F13A1: variants seen among roughly 807,000 people sequenced by gnomAD.
F13A1 encodes FSF, A subunit.
A neutral mutation model predicts 80.1 loss-of-function variants in F13A1; 47 were observed. That is an observed-to-expected ratio of 0.59 (90% CI 0.46 to 0.75). The LOEUF is 0.75. Ranked by LOEUF, F13A1 falls within the 30% of genes least tolerant of loss-of-function variation. The probability of loss-of-function intolerance (pLI) is 0.00; values close to 1 mark genes in which losing one functional copy is unlikely to be tolerated. For missense variants in F13A1, 817 were observed against 930.4 expected (o/e 0.88, Z 1.59); for synonymous variants, 349 against 344.9 (o/e 1.01, Z -0.13).
chr6:6,239,080 G>C (rs1757452003), intron 6 of F13A1, among the ~76,000 whole-genome samples: 1 of 152,114 alleles, frequency 6.6e-6, no homozygotes, highest in South Asian at 2.1e-4. Context: ...ATTCATAATA[G>C]CTTCACATTG....
chr6:6,320,317 C>T (rs1018807756), intron 1 of F13A1, among the ~76,000 whole-genome samples: 1 of 152,232 alleles, frequency 6.6e-6, no homozygotes, highest in South Asian at 2.1e-4. Context: ...GGGGAAGCAC[C>T]TCCAACTCCC....
chr6:6,274,837 A>T lies in F13A1; in HGVS notation c.320-8028T>A, dbSNP rs567483917. 9.8e-5 allele frequency among the ~76,000 whole-genome samples: 15 copies of T among 152,304 alleles called. No homozygotes were observed. The South Asian group carries it at 3.1e-3, about 32-fold the overall frequency. ...AATCTTAAAGGTGGAAAAGGTAGAG[A>T]AAAGTCTTCCCAGCTGGGGGAGTAA... On this transcript the variant is annotated intron_variant, in intron 3 of 14. Coordinates refer to ENST00000264870, the MANE Select transcript of F13A1 (RefSeq NM_000129.4).
chr6:6,240,378 C>T (rs934203461), intron 6 of F13A1, among the ~76,000 whole-genome samples: 1 of 152,044 alleles, frequency 6.6e-6, no homozygotes, highest in African/African-American at 2.4e-5. Flanking sequence ...CCCCACTGCC[C>T]CCACCTGAAA....
intron 1 of F13A1, among the ~76,000 whole-genome samples, chr6:6,319,083 T>C (rs922482419): frequency 6.6e-6 from 1 of 152,234 alleles, no homozygotes. Context: ...TTTATGAGAT[T>C]ATAAGTCACT....
At chr6:6,291,027 T>C (rs960105228) in intron 3 of F13A1, among the ~76,000 whole-genome samples, 9 of 152,106 alleles carry the variant, frequency 5.9e-5, no homozygotes, top group African/African-American at 1.7e-4. Flanking sequence ...TAGGAAGACA[T>C]AGTCTTAAAG....
intron 2 of F13A1, 153 bp from the exon 3 acceptor site, chr6:6,305,692 T>C (rs905579563): frequency 2.0e-5 from 14 of 698,816 alleles, no homozygotes; most frequent in Non-Finnish European, 3.2e-5. Flanking sequence ...GAACACAGTC[T>C]CGAGAGTCAG....
In F13A1 at chr6:6,207,599, C is replaced by T. The variant is rs533239115; in HGVS notation, c.1113-10273G>A. On this transcript the variant is annotated intron_variant, in intron 8 of 14. Coordinates refer to ENST00000264870, the MANE Select transcript of F13A1 (RefSeq NM_000129.4). ...CCAAAAGAAAAGCCCCAGGAAGGTC[C>T]TCATCTCTCATCTCTGGTTGATCTT... Among the ~76,000 whole-genome samples the T allele has an allele frequency of 2.6e-5, 4 of 152,314 alleles. No individual in the cohort carries two copies. In the East Asian group the frequency reaches 7.7e-4, roughly 29 times the overall value.
At chr6:6,185,786 G>A (rs1054724107) in intron 10 of F13A1, among the ~76,000 whole-genome samples, 1 of 152,304 alleles carries the variant, frequency 6.6e-6, no homozygotes, top group East Asian at 1.9e-4. Context: ...AGATCCCTGA[G>A]GAATCACCAC....
At chr6:6,303,982 A>G (rs529957035) in intron 3 of F13A1, among the ~76,000 whole-genome samples, 5 of 152,312 alleles carry the variant, frequency 3.3e-5, no homozygotes, top group Admixed American at 6.5e-5. Flanking sequence ...TTTTCTACAT[A>G]CACAATCATA....
rs776124551 is a variant in F13A1, at chr6:6,305,391, A to G, written c.279T>C (p.Tyr93=). ...FYVQIDFSRP[Y]DPRRDLFRVE... The stretch of plus-strand genomic sequence containing the variant: ...CCCTGAAGAGATCCCTTCTGGGGTC[A>G]TATGGACGACTGAAGTCAATCTGCA... Residue 93 remains tyrosine (Y), a synonymous_variant, in exon 3 of 15, where the codon TAT becomes TAC. Coordinates refer to ENST00000264870, the MANE Select transcript of F13A1 (RefSeq NM_000129.4). The G allele has an allele frequency of 1.2e-6, 2 of 1,614,114 alleles. No homozygotes were observed. Among genetic ancestry groups the G allele is most frequent in the Admixed American group, 3.3e-5 (2 of 60,008 alleles).
rs772387843 is a variant in F13A1 at position 6,243,602 on chromosome 6, T to C, written c.798+4710A>G. Among the ~76,000 whole-genome samples the C allele has an allele frequency of 2.0e-5, 3 of 152,144 alleles. No individual in the cohort carries two copies. The highest frequency in any genetic ancestry group is 4.4e-5 in the Non-Finnish European group (3 of 68,014). Reference sequence around the variant, plus strand: ...AATTATTGTGTTATTGGCAATAACGTGTTGATAGTGGCCCTCTAAGGTAAT... The same window carrying C: ...AATTATTGTGTTATTGGCAATAACGCGTTGATAGTGGCCCTCTAAGGTAAT... On this transcript the variant is annotated intron_variant, in intron 6 of 14. Coordinates refer to ENST00000264870, the MANE Select transcript of F13A1 (RefSeq NM_000129.4). The surrounding 1 kb of genome is among the most constrained non-coding windows in gnomAD (Gnocchi z 4.2).
chr6:6,164,474 C>A (rs536732363), intron 13 of F13A1, among the ~76,000 whole-genome samples: 44 of 151,584 alleles, frequency 2.9e-4, no homozygotes, highest in Admixed American at 2.8e-3. Context: ...TCATATGTAC[C>A]CTCAAATCTA....
In F13A1 at chr6:6,174,635, G is replaced by A. The variant is rs758927370; in HGVS notation, c.1692C>T (p.Val564=). The change falls in exon 12 of 15, where the codon GTC becomes GTT. Residue 564 remains valine, a synonymous_variant. Coordinates refer to ENST00000264870, the MANE Select transcript of F13A1 (RefSeq NM_000129.4). ...LSANITFYTG[V]PKAEFKKETF... is the part of the protein sequence containing the mutation. The stretch of plus-strand genomic sequence containing the variant: ...TCTCCTTCTTGAATTCTGCCTTCGG[G>A]ACCCCGGTGTAGAAGGTGATGTTGG... 5.6e-6 allele frequency: 9 copies of A among 1,614,152 alleles called. No homozygotes were observed. Among genetic ancestry groups the A allele is most frequent in the South Asian group, 1.1e-5 (1 of 91,074 alleles).
rs557825091 is a variant in F13A1 at position 6,318,661 on chromosome 6, A to C, written c.4T>G (p.Ser2Ala). 6.2e-7 allele frequency: 1 copy of C among 1,609,336 alleles called. No homozygotes were observed. Among genetic ancestry groups the C allele is most frequent in the South Asian group, 1.1e-5 (1 of 90,884 alleles). The change falls in exon 2 of 15, where the codon TCA becomes GCA. Residue 2 changes from serine to alanine, a missense_variant. Physicochemically the swap from Ser to Ala is moderately conservative, Grantham distance 99. Coordinates refer to ENST00000264870, the MANE Select transcript of F13A1 (RefSeq NM_000129.4). The part of the protein sequence containing the change: M[S>A]ETSRTAFGGR... ...CCAAAGGCGGTCCTGGAAGTTTCTG[A>C]CATTTTTGACTTTACAAGGTCCTTC...
chr6:6,314,531 C>T (rs951989921), intron 2 of F13A1, among the ~76,000 whole-genome samples: 2 of 152,188 alleles, frequency 1.3e-5, no homozygotes, highest in African/African-American at 4.8e-5. Context: ...TACTCATCCT[C>T]TAAGTCTCGG....
intron 14 of F13A1, among the ~76,000 whole-genome samples, chr6:6,148,067 CTTAAAG>C (rs529042101): frequency 2.4e-4 from 36 of 152,282 alleles, no homozygotes; most frequent in East Asian, 1.9e-3. Context: ...ATTTGAGAAA[CTTAAAG>C]TTTAAGCCCA....
intron 3 of F13A1, among the ~76,000 whole-genome samples, chr6:6,295,038 TCC>T (rs1758301007): frequency 6.9e-6 from 1 of 145,616 alleles, no homozygotes; most frequent in African/African-American, 2.8e-5. Flanking sequence ...AATGATGATT[TCC>T]AATTTCATCC....
In F13A1 at chr6:6,262,648, C is replaced by T. The variant is rs1183280036; in HGVS notation, c.571+3910G>A. On this transcript the variant is annotated intron_variant, in intron 4 of 14. Transcript: ENST00000264870. ...ACTAGCTCACATCTTCCCTATCAAG[C>T]GTTTCATGCCCTTCCTTGCTGCTGC... is the stretch of plus-strand genomic sequence containing the variant. Among the ~76,000 whole-genome samples, 4 of 151,554 alleles carry T rather than the reference C, an allele frequency of 2.6e-5. No homozygotes were observed. The East Asian group carries it at 5.8e-4, about 22-fold the overall frequency.
At chr6:6,273,406 G>A (rs1174573929) in intron 3 of F13A1, among the ~76,000 whole-genome samples, 1 of 152,152 alleles carries the variant, frequency 6.6e-6, no homozygotes, top group African/African-American at 2.4e-5. Context: ...CAATCTGGGT[G>A]TTCAATCCAA....
Sources: allele counts gnomAD v4.1 joint callset (sites outside exome capture counted in the v4.1 genomes callset), GRCh38; gene constraint gnomAD v4.1.1; non-coding constraint Gnocchi (gnomAD v3.1); transcripts MANE v1.5; gene names NCBI Gene and HGNC (gene_info 2026-07-23, HGNC 2026-07-21).